Variants in RNF141 observed in about 807,000 individuals in gnomAD.
RNF141 encodes ring finger protein 141.
A neutral mutation model predicts 27.4 loss-of-function variants in RNF141; 18 were observed. The ratio of observed to expected loss-of-function variants is 0.66; its 90% CI spans 0.45 to 0.97. RNF141 has a LOEUF of 0.97. Among genes scored for constraint, RNF141 ranks in the 50% least tolerant of loss-of-function variants. The probability of loss-of-function intolerance (pLI) is 0.00; values close to 1 mark genes in which losing one functional copy is unlikely to be tolerated. For missense variants in RNF141, 230 were observed against 279.4 expected (o/e 0.82, Z 1.26); for synonymous variants, 97 against 96.6 (o/e 1.00, Z -0.02).
At chr11:10,528,668 T>A (rs1227586512) in intron 3 of RNF141, among the ~76,000 whole-genome samples, 2 of 152,182 alleles carry the variant, frequency 1.3e-5, no homozygotes, top group African/African-American at 2.4e-5. Context: ...TTAAGTGTAA[T>A]TTAGATAATA....
chr11:10,528,922 TATAA>T, intron 3 of RNF141, among the ~76,000 whole-genome samples: 1 of 152,320 alleles, frequency 6.6e-6, no homozygotes, highest in South Asian at 2.1e-4. Context: ...TATTATAAAG[TATAA>T]ATAATGTGCT....
chr11:10,513,165 G>T lies in RNF141; in HGVS notation c.*1751C>A, dbSNP rs1335730144. 3 of 152,220 alleles carry T rather than the reference G, an allele frequency of 2.0e-5. No homozygotes were observed. The highest frequency in any genetic ancestry group is 4.4e-5 in the Non-Finnish European group (3 of 68,048). The allele number at this position is 152,220 out of a possible 1,614,324, so 9.4% of individuals were successfully genotyped here. ...CTGCTTGCATAAACCTCCATAGGGA[G>T]TAGTTAGCTATTTGGTACTTAGCTG... On this transcript the variant is annotated 3_prime_UTR_variant, in exon 6 of 6. Coordinates refer to ENST00000265981, the MANE Select transcript of RNF141 (RefSeq NM_016422.4).
chr11:10,537,314 AT>A (rs1850046300), intron 1 of RNF141, among the ~76,000 whole-genome samples: 1 of 152,206 alleles, frequency 6.6e-6, no homozygotes, highest in Non-Finnish European at 1.5e-5. Context: ...TTAACCTAAC[AT>A]TTTATTCCCA....
At chr11:10,531,205 T>C (rs953722005) in intron 2 of RNF141, among the ~76,000 whole-genome samples, 1 of 151,894 alleles carries the variant, frequency 6.6e-6, no homozygotes, top group African/African-American at 2.4e-5. Flanking sequence ...TGAAACCCCG[T>C]CTCTACTAAA....
chr11:10,514,016 CAGAA>C lies in RNF141; in HGVS notation c.*896_*899del, dbSNP rs1400662110. ...AAGAAATTTGAGGACTCTGAAATCT[CAGAA>C]AGATGTTTTCAAGTTAAGGAAATAA... On this transcript the variant is annotated 3_prime_UTR_variant, in exon 6 of 6. Transcript: ENST00000265981. 3 of 152,140 alleles carry C rather than the reference CAGAA, an allele frequency of 2.0e-5. No homozygotes were observed. The highest frequency in any genetic ancestry group is 4.4e-5 in the Non-Finnish European group (3 of 68,034). 9.4% of individuals were successfully genotyped at this position (152,140 alleles called of 1,614,324 possible).
In RNF141 at chr11:10,539,689, TAC is replaced by T. The variant is rs1564870271; in HGVS notation, c.-48+1431_-48+1432del. ...AAGATCTTGATCAGAAAAAGATACATACATATATATTAGAGAGAGAAGGAGAG... is the reference window on the plus strand; with the variant it reads ...AAGATCTTGATCAGAAAAAGATACATATATATATTAGAGAGAGAAGGAGAG... On this transcript the variant is annotated intron_variant, in intron 1 of 5. Coordinates refer to ENST00000265981, the MANE Select transcript of RNF141 (RefSeq NM_016422.4). 1.8e-4 allele frequency among the ~76,000 whole-genome samples: 17 copies of T among 92,222 alleles called. 1 individual carries two copies. The highest frequency in any genetic ancestry group is 1.5e-3 in the Admixed American group (12 of 7,980). The allele number at this position is 92,222 out of a possible 152,430, so 60.5% of individuals were successfully genotyped here.
intron 2 of RNF141, 84 bp from the exon 3 acceptor site, chr11:10,530,835 C>A (rs1456035478): frequency 4.5e-6 from 3 of 668,802 alleles, no homozygotes; most frequent in Non-Finnish European, 7.2e-6. Flanking sequence ...ATTCAAGAAA[C>A]AATTTCAGAG....
chr11:10,531,458 C>G (rs935351668), intron 2 of RNF141, among the ~76,000 whole-genome samples: 5 of 151,552 alleles, frequency 3.3e-5, no homozygotes, highest in Non-Finnish European at 7.4e-5. Flanking sequence ...TGAAAAACAT[C>G]TTGCTCTTGG....
At chr11:10,523,931 A>G (rs376501592) in intron 4 of RNF141, among the ~76,000 whole-genome samples, 3 of 152,378 alleles carry the variant, frequency 2.0e-5, no homozygotes, top group East Asian at 3.9e-4. Flanking sequence ...AACACTGCCT[A>G]CCATGTTCTA....
At chr11:10,519,977 T>TA (rs1849874980) in intron 4 of RNF141, among the ~76,000 whole-genome samples, 1 of 152,098 alleles carries the variant, frequency 6.6e-6, no homozygotes, top group South Asian at 2.1e-4. Flanking sequence ...TCTGATGAGC[T>TA]AAAAAAATTG....
At chr11:10,519,546 G>A (rs2133966364) in intron 4 of RNF141, among the ~76,000 whole-genome samples, 1 of 152,302 alleles carries the variant, frequency 6.6e-6, no homozygotes, top group South Asian at 2.1e-4. Context: ...TTTCATTGCT[G>A]TGTAAATATC....
chr11:10,535,319 C>A (rs1225048836), intron 1 of RNF141, among the ~76,000 whole-genome samples: 2 of 149,360 alleles, frequency 1.3e-5, no homozygotes, highest in African/African-American at 4.9e-5. Flanking sequence ...AAGTTAATTC[C>A]TTTAGTTACC....
At chr11:10,537,999 T>A (rs1400948887) in intron 1 of RNF141, among the ~76,000 whole-genome samples, 1 of 152,184 alleles carries the variant, frequency 6.6e-6, no homozygotes, top group African/African-American at 2.4e-5. Context: ...CTCAAAATAA[T>A]CCTTATGCCA....
intron 4 of RNF141, among the ~76,000 whole-genome samples, chr11:10,522,251 C>G (rs1208319709): frequency 2.0e-5 from 3 of 152,136 alleles, no homozygotes; most frequent in Non-Finnish European, 4.4e-5. Context: ...ATAACTGAAT[C>G]TGTACAGAGT....
At chr11:10,538,273 G>C (rs1366668269) in intron 1 of RNF141, among the ~76,000 whole-genome samples, 1 of 152,190 alleles carries the variant, frequency 6.6e-6, no homozygotes, top group East Asian at 1.9e-4. Flanking sequence ...ACCTGAGAGA[G>C]CCTGCAGAAG....
chr11:10,515,112 A>G (rs1849833451), intron 5 of RNF141, 46 bp from the exon 6 acceptor site: 2 of 1,564,344 alleles, frequency 1.3e-6, no homozygotes, highest in Non-Finnish European at 1.7e-6. Flanking sequence ...TTCTTTTTTA[A>G]AAACAGGATT....
chr11:10,535,356 T>TA (rs199756415), intron 1 of RNF141, among the ~76,000 whole-genome samples: 14,049 of 93,458 alleles, frequency 0.15, 811 homozygotes, highest in South Asian at 0.34. Flanking sequence ...CAATTGTAAT[T>TA]TAAAAAAAAA....
intron 1 of RNF141, among the ~76,000 whole-genome samples, chr11:10,538,631 T>C (rs979669215): frequency 5.3e-5 from 8 of 152,240 alleles, no homozygotes; most frequent in Non-Finnish European, 1.2e-4. Context: ...AAGCACTCAA[T>C]AGATGTTTAC....
chr11:10,527,652 G>C (rs114737392), intron 3 of RNF141, among the ~76,000 whole-genome samples: 8 of 152,014 alleles, frequency 5.3e-5, no homozygotes, highest in South Asian at 2.1e-4. Flanking sequence ...TCACGGGGGG[G>C]GGTTTTGAGC....
Sources: gnomAD v4.1 joint callset for allele counts (sites outside exome capture counted in the v4.1 genomes callset) on GRCh38, gnomAD v4.1.1 for gene constraint, MANE v1.5 for transcripts, NCBI Gene and HGNC (gene_info 2026-07-23, HGNC 2026-07-21) for gene names.